The following HEPHL1 variants were observed in gnomAD, a reference collection of about 807,000 sequenced individuals.
HEPHL1 encodes the protein ferroxidase HEPHL1.
In HEPHL1, 123 loss-of-function variants were observed where a neutral mutation model predicts 122.0. The observed-to-expected ratio is 1.01, with a 90% CI of 0.87 to 1.17. The LOEUF is 1.17. HEPHL1 is among the 50% of genes most tolerant of loss of function. HEPHL1 has a pLI of 0.00. For synonymous variants in HEPHL1, 527 were observed against 508.9 expected (o/e 1.04, Z -0.48); for missense variants, 1,452 against 1,430.5 (o/e 1.01, Z -0.24).
intron 1 of HEPHL1, among the ~76,000 whole-genome samples, chr11:94,025,105 C>T (rs1945613741): frequency 6.6e-6 from 1 of 152,156 alleles, no homozygotes. Context: ...AATCATTTTG[C>T]TGAGACTCTA....
At chr11:94,107,781 A>G (rs561091083) in intron 17 of HEPHL1, among the ~76,000 whole-genome samples, 92 of 152,290 alleles carry the variant, frequency 6.0e-4, no homozygotes, top group Non-Finnish European at 9.6e-4. Flanking sequence ...TTGTTTATCT[A>G]TTCTCCTGTT....
chr11:94,023,668 C>G (rs987109118), intron 1 of HEPHL1, among the ~76,000 whole-genome samples: 2 of 152,194 alleles, frequency 1.3e-5, no homozygotes, highest in Admixed American at 6.5e-5. Flanking sequence ...TTCTTAGAAG[C>G]AGCTGGCATG....
chr11:94,060,427 T>G (rs777066840), intron 2 of HEPHL1, among the ~76,000 whole-genome samples: 3 of 152,036 alleles, frequency 2.0e-5, no homozygotes, highest in Non-Finnish European at 2.9e-5. Flanking sequence ...ATGAATAAGA[T>G]AGTTTACTGA....
chr11:94,042,882 A>AAAAAAAAAAAAACAAAC (rs1449884226), intron 1 of HEPHL1, among the ~76,000 whole-genome samples: 49 of 136,888 alleles, frequency 3.6e-4, no homozygotes, highest in African/African-American at 1.0e-3. Context: ...TAATAAAAAA[A>AAAAAAAAAAAAACAAAC]AAAAAAAAAA....
chr11:94,063,529 C>T lies in HEPHL1; in HGVS notation c.437C>T (p.Thr146Ile). Residue 146 changes from threonine to isoleucine, a missense_variant, in exon 3 of 20, where the codon ACA becomes ATA. Coordinates refer to ENST00000315765, the MANE Select transcript of HEPHL1 (RefSeq NM_001098672.2). Reference sequence around the variant, plus strand: ...GAAGGAGCCCTATACCCAGATGGAACATCTGGAAGGAACAAAAATGATGAC... The same window carrying T: ...GAAGGAGCCCTATACCCAGATGGAATATCTGGAAGGAACAAAAATGATGAC... ...DSEGALYPDG[T>I]SGRNKNDDMV... The T allele has an allele frequency of 1.2e-6, 2 of 1,610,146 alleles. No individual in the cohort carries two copies. Among genetic ancestry groups the T allele is most frequent in the Non-Finnish European group, 1.7e-6 (2 of 1,178,006 alleles).
Position 94,073,339 on chromosome 11 carries a change from C to T in HEPHL1, c.1404C>T (p.Thr468=). Residue 468 remains threonine, a synonymous_variant, in exon 8 of 20, where the codon ACC becomes ACT. Coordinates refer to ENST00000315765, the MANE Select transcript of HEPHL1 (RefSeq NM_001098672.2). The stretch of plus-strand genomic sequence containing the variant: ...TCATCAAGGCAGAGGTGGGTGATAC[C>T]CTGTTAGTGACCTTTGCCAACAAAG... ...GPVIKAEVGD[T]LLVTFANKAD... 2 of 1,607,144 alleles carry T rather than the reference C, an allele frequency of 1.2e-6. No homozygotes were observed. Among genetic ancestry groups the T allele is most frequent in the East Asian group, 2.2e-5 (1 of 44,728 alleles).
intron 13 of HEPHL1, among the ~76,000 whole-genome samples, chr11:94,098,395 TG>T (rs1359795324): frequency 3.9e-5 from 6 of 152,238 alleles, no homozygotes; most frequent in Non-Finnish European, 8.8e-5. Context: ...GTTAGTCTGA[TG>T]GGCTTCCCTT....
chr11:94,045,889 T>C lies in HEPHL1; in HGVS notation c.387T>C (p.His129=). The C allele has an allele frequency of 6.2e-7, 1 of 1,613,930 alleles. No individual in the cohort carries two copies. ...CTCGACCTTACTCTCTGCATCCACATGGCGTTTTCTACAACAAAGATTCAG... is the reference window on the plus strand; with the variant it reads ...CTCGACCTTACTCTCTGCATCCACACGGCGTTTTCTACAACAAAGATTCAG... The part of the protein sequence containing the change: ...FASRPYSLHP[H]GVFYNKDSEG... The change falls in exon 2 of 20, where the codon CAT becomes CAC. Residue 129 remains histidine, a synonymous_variant. Transcript: ENST00000315765.
At chr11:94,098,246 A>G (rs1244196549) in intron 13 of HEPHL1, among the ~76,000 whole-genome samples, 1 of 152,146 alleles carries the variant, frequency 6.6e-6, no homozygotes, top group African/African-American at 2.4e-5. Context: ...GCTTGTCTGT[A>G]AAGGATTTTA....
chr11:94,093,100 A>G (rs990080362), intron 12 of HEPHL1, among the ~76,000 whole-genome samples: 6 of 148,820 alleles, frequency 4.0e-5, no homozygotes, highest in African/African-American at 9.9e-5. Context: ...GTGGACGTGT[A>G]TGTGTGTGTG....
intron 1 of HEPHL1, among the ~76,000 whole-genome samples, chr11:94,043,782 A>T (rs112592980): frequency 0.01 from 1,559 of 151,882 alleles, 27 homozygotes; most frequent in African/African-American, 0.035. Context: ...ACTTCCCCTG[A>T]CTTATCTTTG....
At position 94,088,658 on chromosome 11, in the gene HEPHL1, G is replaced by T. The variant is rs190629643; in HGVS notation, c.2081-97G>T. 6.7e-4 allele frequency: 615 copies of T among 919,018 alleles called. 7 individuals are homozygous for T. The highest frequency in any genetic ancestry group is 2.9e-5 in the Non-Finnish European group (18 of 613,354). 56.9% of individuals were successfully genotyped at this position (919,018 alleles called of 1,614,324 possible). ...GGTATTTTAAAAATCCACCTAACTG[G>T]TTATTTTGTAATAAAATATGCAGGT... On this transcript the variant is annotated intron_variant, in intron 11 of 19. Coordinates refer to ENST00000315765, the MANE Select transcript of HEPHL1 (RefSeq NM_001098672.2).
chr11:94,070,442 C>A lies in HEPHL1; in HGVS notation c.1132C>A (p.Gln378Lys). 1 of 1,607,544 alleles carries A rather than the reference C, an allele frequency of 6.2e-7. No homozygotes were observed. The highest frequency in any genetic ancestry group is 1.7e-5 in the Admixed American group (1 of 59,056). Residue 378 changes from glutamine (Q) to lysine (K), a missense_variant, in exon 6 of 20, where the codon CAA (glutamine) becomes AAA (lysine). Transcript: ENST00000315765. The part of the protein sequence containing the change: ...SDIFYPKMKG[Q>K]QRRYFIAAEK... The stretch of plus-strand genomic sequence containing the variant: ...TATTTTCTACCCCAAGATGAAGGGT[C>A]AACAGAGGCGCTACTTTATAGCAGC...
intron 1 of HEPHL1, among the ~76,000 whole-genome samples, chr11:94,028,153 A>G (rs1433083068): frequency 6.6e-6 from 1 of 152,184 alleles, no homozygotes; most frequent in East Asian, 1.9e-4. Context: ...TCTGGACAGT[A>G]GAGTTGGCAG....
chr11:94,046,984 C>T (rs1945844812), intron 2 of HEPHL1, among the ~76,000 whole-genome samples: 1 of 152,102 alleles, frequency 6.6e-6, no homozygotes, highest in Non-Finnish European at 1.5e-5. Flanking sequence ...CCCAAGGCAG[C>T]CTAACTTGTG....
At chr11:94,049,649 T>C (rs1056822371) in intron 2 of HEPHL1, among the ~76,000 whole-genome samples, 3 of 150,260 alleles carry the variant, frequency 2.0e-5, no homozygotes, top group African/African-American at 7.4e-5. Flanking sequence ...TGACCATAAG[T>C]ATAAGGAGTT....
intron 2 of HEPHL1, among the ~76,000 whole-genome samples, chr11:94,049,531 C>T (rs1319668593): frequency 1.3e-5 from 2 of 151,528 alleles, no homozygotes; most frequent in African/African-American, 2.4e-5. Flanking sequence ...TCATTGAGCA[C>T]CCACCAGGTG....
At chr11:94,106,238 T>A in intron 17 of HEPHL1, 108 bp downstream of exon 17, 1 of 807,134 alleles carries the variant, frequency 1.2e-6, no homozygotes, top group Non-Finnish European at 1.9e-6. Flanking sequence ...TGAGGATAGG[T>A]GAGAATGGAA....
chr11:94,064,338 G>A lies in HEPHL1; in HGVS notation c.636G>A (p.Leu212=). 1 of 1,611,140 alleles carries A rather than the reference G, an allele frequency of 6.2e-7. No homozygotes were observed. The highest frequency in any genetic ancestry group is 8.5e-7 in the Non-Finnish European group (1 of 1,177,948). ...GPLLVCKEGI[L]NRYSGTRNDV... Reference sequence around the variant, plus strand: ...TTTGAATGTGCCTGACAGGTATCCTGAATAGATATTCAGGGACACGGAATG... The same window carrying A: ...TTTGAATGTGCCTGACAGGTATCCTAAATAGATATTCAGGGACACGGAATG... Residue 212 remains leucine, a synonymous_variant, in exon 4 of 20, where the codon CTG becomes CTA. Coordinates refer to ENST00000315765, the MANE Select transcript of HEPHL1 (RefSeq NM_001098672.2).
Sources: gnomAD v4.1 joint callset for allele counts (sites outside exome capture counted in the v4.1 genomes callset) on GRCh38, gnomAD v4.1.1 for gene constraint, MANE v1.5 for transcripts, NCBI Gene and HGNC (gene_info 2026-07-23, HGNC 2026-07-21) for gene names.